The following SDCCAG8 variants were observed in gnomAD, a reference collection of about 807,000 sequenced individuals.
SDCCAG8 encodes the protein SHH signaling and ciliogenesis regulator SDCCAG8, also known as serologically defined colon cancer antigen 8.
A neutral mutation model predicts 101.8 loss-of-function variants in SDCCAG8; 74 were observed. That is an observed-to-expected ratio of 0.73 (90% CI 0.60 to 0.88). SDCCAG8 has a LOEUF of 0.88. Among genes scored for constraint, SDCCAG8 ranks in the 40% least tolerant of loss-of-function variants. SDCCAG8 has a pLI of 0.00. For synonymous variants in SDCCAG8, 281 were observed against 292.9 expected (o/e 0.96, Z 0.41); for missense variants, 787 against 822.6 (o/e 0.96, Z 0.53).
intron 6 of SDCCAG8, among the ~76,000 whole-genome samples, chr1:243,304,047 T>G (rs1208046085): frequency 6.6e-6 from 1 of 151,778 alleles, no homozygotes; most frequent in African/African-American, 2.4e-5. Flanking sequence ...CACTCCAGCC[T>G]TGGTGATAGA....
intron 10 of SDCCAG8, among the ~76,000 whole-genome samples, chr1:243,340,418 G>A (rs760554886): frequency 6.6e-6 from 1 of 152,186 alleles, no homozygotes; most frequent in Non-Finnish European, 1.5e-5. Flanking sequence ...CACCTATTTT[G>A]TGCTGGGAAC....
At chr1:243,281,616 TA>T (rs886597942) in intron 4 of SDCCAG8, among the ~76,000 whole-genome samples, 11 of 150,528 alleles carry the variant, frequency 7.3e-5, no homozygotes, top group East Asian at 3.9e-4. Context: ...TTTGTTTCTT[TA>T]AAAAAAATTC....
intron 2 of SDCCAG8, among the ~76,000 whole-genome samples, chr1:243,270,598 G>T (rs1381323353): frequency 6.6e-6 from 1 of 152,024 alleles, no homozygotes; most frequent in Non-Finnish European, 1.5e-5. Context: ...GCTTTGACAT[G>T]TGCAGTGACT....
At chr1:243,456,837 G>A (rs750293927) in intron 16 of SDCCAG8, among the ~76,000 whole-genome samples, 7 of 152,138 alleles carry the variant, frequency 4.6e-5, no homozygotes, top group Non-Finnish European at 8.8e-5. Context: ...AAGACCTAGA[G>A]TTCAGCTTGA....
intron 16 of SDCCAG8, among the ~76,000 whole-genome samples, chr1:243,452,401 G>C (rs1209091583): frequency 4.4e-4 from 58 of 132,508 alleles, no homozygotes; most frequent in African/African-American, 1.7e-3. Context: ...CTACCCTTGA[G>C]ATGATCTCAT....
intron 13 of SDCCAG8, among the ~76,000 whole-genome samples, chr1:243,402,540 T>A (rs2079478857): frequency 6.6e-6 from 1 of 152,196 alleles, no homozygotes; most frequent in African/African-American, 2.4e-5. Context: ...TATTTTAAAT[T>A]TTTTTCCTAA....
At chr1:243,296,219 C>A (rs1297037641) in intron 6 of SDCCAG8, among the ~76,000 whole-genome samples, 1 of 152,166 alleles carries the variant, frequency 6.6e-6, no homozygotes, top group Admixed American at 6.5e-5. Context: ...TAGTCTCAAA[C>A]TCCTGGCCTC....
chr1:243,454,433 T>C (rs1199853747), intron 16 of SDCCAG8, among the ~76,000 whole-genome samples: 1 of 152,098 alleles, frequency 6.6e-6, no homozygotes, highest in Admixed American at 6.6e-5. Flanking sequence ...CGTTTGGTTA[T>C]CTTGGAACTG....
intron 12 of SDCCAG8, among the ~76,000 whole-genome samples, chr1:243,367,343 A>G (rs929694747): frequency 2.6e-5 from 4 of 152,086 alleles, no homozygotes; most frequent in African/African-American, 9.7e-5. Flanking sequence ...AAGCAACTCC[A>G]GGTTTATTTT....
intron 13 of SDCCAG8, among the ~76,000 whole-genome samples, chr1:243,391,192 G>A (rs150461947): frequency 2.0e-5 from 3 of 152,216 alleles, no homozygotes; most frequent in African/African-American, 4.8e-5. Flanking sequence ...TAATGTTTCC[G>A]TGATACCCAC....
At chr1:243,259,412 AC>A (rs1327599790) in intron 1 of SDCCAG8, among the ~76,000 whole-genome samples, 1 of 152,032 alleles carries the variant, frequency 6.6e-6, no homozygotes, top group Non-Finnish European at 1.5e-5. Flanking sequence ...GTCTCAAAAA[AC>A]AACAAAAACA....
chr1:243,276,921 C>G (rs998536541), intron 4 of SDCCAG8, among the ~76,000 whole-genome samples: 6 of 152,102 alleles, frequency 3.9e-5, no homozygotes, highest in Non-Finnish European at 7.3e-5. Context: ...TTCTGACTGG[C>G]CTATTATACT....
In SDCCAG8 at chr1:243,256,124, A is replaced by C; in HGVS notation, c.-50A>C. The C allele has an allele frequency of 6.4e-7, 1 of 1,557,910 alleles. No homozygotes were observed. The highest frequency in any genetic ancestry group is 8.9e-7 in the Non-Finnish European group (1 of 1,128,780). On this transcript the variant is annotated 5_prime_UTR_variant, in exon 1 of 18. Coordinates refer to ENST00000366541, the MANE Select transcript of SDCCAG8 (RefSeq NM_006642.5). ...GGCCTGTTGTTCTCGGAAGGGAGAA[A>C]GCTGGACATTTCCCCACGTAACTCC...
intron 16 of SDCCAG8, 117 bp from the exon 17 acceptor site, chr1:243,488,897 C>T (rs763319840): frequency 4.7e-6 from 7 of 1,475,594 alleles, no homozygotes; most frequent in Non-Finnish European, 6.6e-6. Context: ...TCAGGGTCAC[C>T]CTAGGCGTCC....
At chr1:243,360,051 T>G (rs2076607463) in intron 12 of SDCCAG8, among the ~76,000 whole-genome samples, 1 of 152,152 alleles carries the variant, frequency 6.6e-6, no homozygotes, top group South Asian at 2.1e-4. Context: ...TTTCAGATGC[T>G]TTTCTTCTGT....
At chr1:243,372,954 C>CTA (rs142842404) in intron 12 of SDCCAG8, among the ~76,000 whole-genome samples, 8,691 of 131,192 alleles carry the variant, frequency 0.066, 385 homozygotes, top group African/African-American at 0.11. Flanking sequence ...CTATATCTAT[C>CTA]TATATATATA....
At chr1:243,328,325 C>T (rs1012376041) in intron 9 of SDCCAG8, among the ~76,000 whole-genome samples, 1 of 152,106 alleles carries the variant, frequency 6.6e-6, no homozygotes, top group African/African-American at 2.4e-5. Context: ...GTTGCCCAGG[C>T]TGGAGTGCAG....
intron 4 of SDCCAG8, among the ~76,000 whole-genome samples, chr1:243,276,838 T>C (rs185220942): frequency 1.5e-3 from 224 of 152,288 alleles, no homozygotes; most frequent in African/African-American, 4.9e-3. Flanking sequence ...TGGCAACCAT[T>C]GATCTTTTTA....
At chr1:243,323,815 A>C (rs762174566) in intron 9 of SDCCAG8, among the ~76,000 whole-genome samples, 1 of 152,124 alleles carries the variant, frequency 6.6e-6, no homozygotes. Context: ...CTTAAACTCT[A>C]TAGATTTGGA....
Sources: allele counts gnomAD v4.1 joint callset (sites outside exome capture counted in the v4.1 genomes callset), GRCh38; gene constraint gnomAD v4.1.1; transcripts MANE v1.5; gene names NCBI Gene and HGNC (gene_info 2026-07-23, HGNC 2026-07-21).